Variants in EXOC3 observed in about 807,000 individuals in gnomAD.
EXOC3 encodes the protein exocyst complex component 3.
Under a neutral mutation model 73.7 loss-of-function variants are expected in EXOC3, and 21 were observed. The ratio of observed to expected loss-of-function variants is 0.29; its 90% CI spans 0.20 to 0.41. The LOEUF (loss-of-function observed/expected upper bound fraction) is 0.41. Ranked by LOEUF, EXOC3 falls within the 10% of genes least tolerant of loss-of-function variation. The pLI, the probability that EXOC3 is intolerant of heterozygous loss-of-function variation, is 1.00. For synonymous variants in EXOC3, 410 were observed against 389.1 expected, an observed-to-expected ratio of 1.05 and a Z score of -0.63; for missense variants, 842 against 985.1, an observed-to-expected ratio of 0.85 and a Z score of 1.95.
chr5:462,227 C>A lies in EXOC3; in HGVS notation c.1573C>A (p.Pro525Thr), dbSNP rs556077599. ...EVEEGVSPSQ[P>T]SMDGILDAIA... is the part of the protein sequence containing the mutation. The stretch of plus-strand genomic sequence containing the variant: ...GGAAGAGGGTGTGTCTCCGAGCCAG[C>A]CCAGCATGGACGGGATTTTAGACGC... Residue 525 changes from proline (P) to threonine (T), a missense_variant, in exon 9 of 13, where the codon CCC becomes ACC. Physicochemically the swap from Pro to Thr is conservative, Grantham distance 38. Coordinates refer to ENST00000512944, the MANE Select transcript of EXOC3 (RefSeq NM_007277.5). 3.7e-5 allele frequency: 59 copies of A among 1,613,942 alleles called. 1 individual carries two copies. In the South Asian group the frequency reaches 5.9e-4, roughly 16 times the overall value.
At chr5:457,700 C>G in intron 5 of EXOC3, 200 bp from the exon 6 acceptor site, 1 of 554,698 alleles carries the variant, frequency 1.8e-6, no homozygotes, top group Non-Finnish European at 3.2e-6. Context: ...CAGTTAAACC[C>G]CTGCGGGCTG....
chr5:462,530 G>C (rs964783573), intron 9 of EXOC3: 3 of 559,872 alleles, frequency 5.4e-6, no homozygotes, highest in African/African-American at 3.8e-5. Context: ...GATTCACCCT[G>C]TAAGTATTAA....
intron 3 of EXOC3, among the ~76,000 whole-genome samples, chr5:449,981 C>T (rs1455021817): frequency 1.3e-5 from 2 of 152,218 alleles, no homozygotes; most frequent in Non-Finnish European, 2.9e-5. Context: ...TGCGGTGGCT[C>T]ACGCCCGTCA....
At chr5:456,664 G>A (rs890521543) in intron 4 of EXOC3, among the ~76,000 whole-genome samples, 10 of 152,168 alleles carry the variant, frequency 6.6e-5, no homozygotes, top group African/African-American at 1.4e-4. Flanking sequence ...ACTTTCCCCG[G>A]TTGGAGGGAC....
At position 462,217 on chromosome 5, in the gene EXOC3, T is replaced by C. The variant is rs1184939438; in HGVS notation, c.1563T>C (p.Ser521=). ...AGAATGAAGTGGAAGAGGGTGTGTC[T>C]CCGAGCCAGCCCAGCATGGACGGGA... ...YLKNEVEEGV[S]PSQPSMDGIL... is the part of the protein sequence containing the mutation. The change falls in exon 9 of 13, where the codon TCT becomes TCC. Residue 521 remains serine, a synonymous_variant. Transcript: ENST00000512944. The C allele has an allele frequency of 1.9e-6, 3 of 1,613,854 alleles. No homozygotes were observed. The highest frequency in any genetic ancestry group is 2.5e-6 in the Non-Finnish European group (3 of 1,179,898).
chr5:462,369 C>G lies in EXOC3; in HGVS notation c.1653+62C>G, dbSNP rs766908267. On this transcript the variant is annotated intron_variant, in intron 9 of 12. Transcript: ENST00000512944. ...CGAAGCCCAGTGCTTCCTCACTGCC[C>G]TCTGGGACACAGGCTGTGAACTGTA... The G allele has an allele frequency of 3.2e-6, 5 of 1,568,062 alleles. No individual in the cohort carries two copies. The South Asian group carries it at 5.6e-5, about 17-fold the overall frequency.
In EXOC3 at chr5:453,625, C is replaced by G. The variant is rs780690242; in HGVS notation, c.620C>G (p.Thr207Ser). ...CTGGTCACTGTCCGCCGTGACCCCACCTTGCTGGTCTCAGTTGTCAGGATC... is the reference window on the plus strand; with the variant it reads ...CTGGTCACTGTCCGCCGTGACCCCAGCTTGCTGGTCTCAGTTGTCAGGATC... ...RSLVTVRRDP[T>S]LLVSVVRIIE... Residue 207 changes from threonine (T) to serine (S), a missense_variant, in exon 4 of 13, where the codon ACC (threonine) becomes AGC (serine). Physicochemically the swap from Thr to Ser is moderately conservative, Grantham distance 58 (BLOSUM62 1). Coordinates refer to ENST00000512944, the MANE Select transcript of EXOC3 (RefSeq NM_007277.5). 4 of 1,613,966 alleles carry G rather than the reference C, an allele frequency of 2.5e-6. No homozygotes were observed. The highest frequency in any genetic ancestry group is 3.4e-6 in the Non-Finnish European group (4 of 1,179,882).
rs780960575 is a variant in EXOC3 at position 466,739 on chromosome 5, C to T, written c.2079C>T (p.Ile693=). The change falls in exon 13 of 13, where the codon ATC becomes ATT. Residue 693 remains isoleucine, a synonymous_variant. Transcript: ENST00000512944. ...TCCCCATCCCCAGGGATGACCACAT[C>T]GGTGCGCTGCTGGCTGTGCGTGGGG... ...SKYPDIRDDH[I]GALLAVRGDA... is the part of the protein sequence containing the mutation. 1.1e-5 allele frequency: 18 copies of T among 1,612,496 alleles called. No homozygotes were observed. Among genetic ancestry groups the T allele is most frequent in the Middle Eastern group, 1.6e-4 (1 of 6,082 alleles).
chr5:445,468 G>A (rs56258706), intron 1 of EXOC3, among the ~76,000 whole-genome samples: 1 of 151,462 alleles, frequency 6.6e-6, no homozygotes, highest in Non-Finnish European at 1.5e-5. Context: ...TCCTGCCTCA[G>A]CCTCCCGAGT....
At chr5:455,900 G>A (rs745513727) in intron 4 of EXOC3, among the ~76,000 whole-genome samples, 17 of 152,226 alleles carry the variant, frequency 1.1e-4, no homozygotes, top group South Asian at 2.1e-4. Flanking sequence ...CACCATGCCC[G>A]GCTGATAATA....
At chr5:456,782 C>T (rs1165976133) in intron 4 of EXOC3, 107 bp from the exon 5 acceptor site, 1 of 859,112 alleles carries the variant, frequency 1.2e-6, no homozygotes, top group Non-Finnish European at 1.9e-6. Context: ...CAGGAAGTCT[C>T]CAGGGTGGTG....
At position 454,868 on chromosome 5, in the gene EXOC3, AT is replaced by A. The variant is rs370854107; in HGVS notation, c.1046+837del. 3.0e-3 allele frequency among the ~76,000 whole-genome samples: 335 copies of A among 110,772 alleles called. 7 individuals are homozygous for A. Among genetic ancestry groups the A allele is most frequent in the East Asian group, 0.024 (94 of 3,916 alleles). The allele number at this position is 110,772 out of a possible 152,430, so 72.7% of individuals were successfully genotyped here. ...GCAGTGGAGAAATTGAATAAACCTC[AT>A]TTTTTTTTTTTTTTTTTTTAGCAGT... On this transcript the variant is annotated intron_variant, in intron 4 of 12. Transcript: ENST00000512944.
Position 467,126 on chromosome 5 carries a change from C to T in EXOC3, c.*228C>T. On this transcript the variant is annotated 3_prime_UTR_variant, in exon 13 of 13. Transcript: ENST00000512944. ...CCTGTGGGTGCAGGGCTCTGCCGCACAGCCTCTCTTGGGTGCTTGTTTGTT... is the reference window on the plus strand; with the variant it reads ...CCTGTGGGTGCAGGGCTCTGCCGCATAGCCTCTCTTGGGTGCTTGTTTGTT... 9.0e-6 allele frequency: 5 copies of T among 553,600 alleles called. No homozygotes were observed. In the South Asian group the frequency reaches 9.7e-5, roughly 11 times the overall value. 34.3% of individuals were successfully genotyped at this position (553,600 alleles called of 1,614,324 possible). A position where few individuals can be genotyped will look rare whatever the true frequency, so the allele number is the denominator to read the frequency against.
chr5:459,706 G>T (rs895662458), intron 7 of EXOC3: 1 of 305,188 alleles, frequency 3.3e-6, no homozygotes, highest in East Asian at 5.5e-5. Context: ...TTAGCGATGC[G>T]CCGGATGACA....
At chr5:451,981 A>G (rs1737673143) in intron 3 of EXOC3, among the ~76,000 whole-genome samples, 1 of 152,212 alleles carries the variant, frequency 6.6e-6, no homozygotes, top group Admixed American at 6.5e-5. Context: ...GAATTCTTTC[A>G]AAAGTTTGAT....
intron 4 of EXOC3, among the ~76,000 whole-genome samples, chr5:456,023 T>G (rs1737799580): frequency 6.6e-6 from 1 of 152,264 alleles, no homozygotes; most frequent in African/African-American, 2.4e-5. Flanking sequence ...AGTAATGTCC[T>G]GTATTGTACG....
At chr5:466,451 G>C (rs1396616383) in intron 12 of EXOC3, 1 of 414,274 alleles carries the variant, frequency 2.4e-6, no homozygotes, top group Non-Finnish European at 4.3e-6. Flanking sequence ...GGAAAAACGG[G>C]GTCTTGAGCT....
chr5:456,468 C>T (rs1009613601), intron 4 of EXOC3, among the ~76,000 whole-genome samples: 1 of 152,186 alleles, frequency 6.6e-6, no homozygotes, highest in Non-Finnish European at 1.5e-5. Flanking sequence ...CAGGCCCTGC[C>T]TCGGCTCTGC....
intron 1 of EXOC3, chr5:444,909 A>G (rs1337116487): frequency 2.6e-5 from 3 of 114,730 alleles, no homozygotes; most frequent in African/African-American, 5.2e-5. Context: ...GCATCTTTGT[A>G]TTTTTGTCCT....
Sources: allele counts gnomAD v4.1 joint callset (sites outside exome capture counted in the v4.1 genomes callset), GRCh38; gene constraint gnomAD v4.1.1; transcripts MANE v1.5; gene names NCBI Gene and HGNC (gene_info 2026-07-23, HGNC 2026-07-21).